GOLGA8N: variants seen among roughly 807,000 people sequenced by gnomAD.
The protein encoded by GOLGA8N is golgin A8 family member N, also known as golgin subfamily A member 8N.
GOLGA8N carries 2 observed loss-of-function variants against 22.0 expected under a neutral mutation model. That is an observed-to-expected ratio of 0.09 (90% CI 0.04 to 0.29). The LOEUF (loss-of-function observed/expected upper bound fraction) is 0.29, where lower values mean the gene tolerates loss of function less well. Ranked by LOEUF, GOLGA8N falls within the 10% of genes least tolerant of loss-of-function variation. The pLI, the probability that GOLGA8N is intolerant of heterozygous loss-of-function variation, is 1.00. For missense variants in GOLGA8N, 10 were observed against 164.7 expected (o/e 0.06, Z 5.14); for synonymous variants, 2 against 58.7 (o/e 0.03, Z 4.41).
At chr15:32,605,315 T>G (rs2052920153) in exon 19 of GOLGA8N, 2 of 147,848 alleles carry the variant, frequency 1.4e-5, no homozygotes, top group African/African-American at 2.5e-5. Context: ...TATACTATCT[T>G]TGAAAATCAA....
chr15:32,607,154 T>C (rs867333337), exon 19 of GOLGA8N: 2 of 152,516 alleles, frequency 1.3e-5, no homozygotes, highest in African/African-American at 4.8e-5. Context: ...ATTATTAAAT[T>C]GTTTCAATGT....
At chr15:32,605,459 G>A (rs1442877791) in exon 19 of GOLGA8N, 1 of 150,722 alleles carries the variant, frequency 6.6e-6, no homozygotes, top group Non-Finnish European at 1.5e-5. Flanking sequence ...TCTTTACAAA[G>A]TGAAATATGT....
At chr15:32,597,635 T>G (rs570997531) in intron 5 of GOLGA8N, 117 bp from the exon 6 acceptor site, 1 of 1,464,138 alleles carries the variant, frequency 6.8e-7, no homozygotes, top group Admixed American at 1.9e-5. Context: ...GGGCCCCTGA[T>G]AACCTGGTCC....
rs1595744807 is a variant in GOLGA8N, at chr15:32,598,175, C to T, written c.589C>T (p.Gln197Ter). ...CGCCACAGAGAAGAAGAAGGCAAAC[C>T]AGGTGAGTCCAGCCACCTGCCCCAT... Residue 197 changes from glutamine (Q) to a stop codon, truncating the protein, a stop_gained and splice_region_variant, in exon 8 of 19, where the codon CAG becomes TAG. Coordinates refer to ENST00000448387, the Ensembl canonical transcript of GOLGA8N. LOFTEE classifies it high-confidence loss of function. The T allele has an allele frequency of 5.5e-6, 6 of 1,096,968 alleles. 2 individuals are homozygous for T. In the East Asian group the frequency reaches 1.9e-4, roughly 34 times the overall value. 68.0% of individuals were successfully genotyped at this position (1,096,968 alleles called of 1,614,324 possible).
Position 32,598,549 on chromosome 15 carries a change from G to C in GOLGA8N, c.591+372G>C, listed in dbSNP as rs1420549158. Among the ~76,000 whole-genome samples, 3 of 3,524 alleles carry C rather than the reference G, an allele frequency of 8.5e-4. 1 individual carries two copies. Among genetic ancestry groups the C allele is most frequent in the South Asian group, 0.015 (1 of 68 alleles). 2.3% of individuals were successfully genotyped at this position (3,524 alleles called of 152,430 possible). ...TAGAAAGAGGAAACGTGTGTGCGTTGTGTGTGTGTGTGTGTGCATACTGTG... is the reference window on the plus strand; with the variant it reads ...TAGAAAGAGGAAACGTGTGTGCGTTCTGTGTGTGTGTGTGTGCATACTGTG... On this transcript the variant is annotated intron_variant, in intron 8 of 18. Transcript: ENST00000448387.
chr15:32,598,000 T>C (rs1445809961), intron 7 of GOLGA8N, 28 bp downstream of exon 7: 1 of 913,794 alleles, frequency 1.1e-6, no homozygotes, highest in African/African-American at 2.3e-5. Context: ...CTGTCATCCT[T>C]CAACCTGGCA....
chr15:32,605,207 T>A, exon 19 of GOLGA8N: 1 of 137,374 alleles, frequency 7.3e-6, no homozygotes, highest in Admixed American at 7.7e-5. Flanking sequence ...TTACTTCTTT[T>A]TCTTTGAATG....
intron 1 of GOLGA8N, among the ~76,000 whole-genome samples, chr15:32,595,028 AC>A (rs1323183901): frequency 2.1e-5 from 1 of 48,390 alleles, no homozygotes; most frequent in Non-Finnish European, 4.1e-5. Context: ...TCTTGGCAAA[AC>A]CTCAGAGCTT....
Position 32,599,424 on chromosome 15 carries a change from A to AGG in GOLGA8N, c.684_685dup (p.Glu229GlyfsTer9). 1 of 174,180 alleles carries AGG rather than the reference A, an allele frequency of 5.7e-6. No individual in the cohort carries two copies. The highest frequency in any genetic ancestry group is 1.5e-3 in the Middle Eastern group (1 of 678). 10.8% of individuals were successfully genotyped at this position (174,180 alleles called of 1,614,324 possible). A position where few individuals can be genotyped will look rare whatever the true frequency, so the allele number is the denominator to read the frequency against. On this transcript the variant is annotated frameshift_variant, in exon 10 of 19. Coordinates refer to ENST00000448387, the Ensembl canonical transcript of GOLGA8N. LOFTEE classifies it high-confidence loss of function. The stretch of plus-strand genomic sequence containing the variant: ...CTTCTGTGCCCATTCTTGCAGTTGA[A>AGG]GGAGTCATTTCAACAACTCCAATTA...
exon 19 of GOLGA8N, chr15:32,606,464 T>C (rs1361377543): frequency 6.6e-6 from 1 of 150,688 alleles, no homozygotes; most frequent in African/African-American, 2.5e-5. Context: ...AGAATGGAAA[T>C]TGTATGACAA....
chr15:32,595,819 T>G (rs1222100842), intron 2 of GOLGA8N, among the ~76,000 whole-genome samples: 1 of 149,296 alleles, frequency 6.7e-6, no homozygotes, highest in Non-Finnish European at 1.5e-5. Context: ...ATCCTGCCTC[T>G]CCATCTGCTC....
chr15:32,607,105 C>T (rs2052944256), exon 19 of GOLGA8N: 2 of 151,730 alleles, frequency 1.3e-5, no homozygotes, highest in South Asian at 4.2e-4. Flanking sequence ...CTAGAGTGGC[C>T]TTATTGACTG....
chr15:32,606,806 A>G (rs1170729429), exon 19 of GOLGA8N: 1 of 151,842 alleles, frequency 6.6e-6, no homozygotes, highest in East Asian at 1.9e-4. Context: ...TGAAAATGTA[A>G]ATCAGCCCTA....
rs1443977412 is a variant in GOLGA8N, at chr15:32,606,662, G to A, written c.*2684G>A. 7.4e-5 allele frequency: 11 copies of A among 149,054 alleles called. No homozygotes were observed. In the East Asian group the frequency reaches 1.6e-3, roughly 22 times the overall value. 9.2% of individuals were successfully genotyped at this position (149,054 alleles called of 1,614,324 possible). A position where few individuals can be genotyped will look rare whatever the true frequency, so the allele number is the denominator to read the frequency against. On this transcript the variant is annotated 3_prime_UTR_variant, in exon 19 of 19. Coordinates refer to ENST00000448387, the Ensembl canonical transcript of GOLGA8N. Reference sequence around the variant, plus strand: ...TTCCACTGAATACATTTTAATGTCTGTAGGAAGAATCAAAACACCTATTTA... The same window carrying A: ...TTCCACTGAATACATTTTAATGTCTATAGGAAGAATCAAAACACCTATTTA...
chr15:32,597,337 T>C (rs376500892), intron 4 of GOLGA8N, 114 bp from the exon 5 acceptor site: 1 of 778,894 alleles, frequency 1.3e-6, no homozygotes, highest in South Asian at 1.5e-5. Context: ...GTTCCCATTA[T>C]GTCTGAGAAC....
At chr15:32,598,637 G>C (rs562110812) in intron 8 of GOLGA8N, among the ~76,000 whole-genome samples, 1 of 56,104 alleles carries the variant, frequency 1.8e-5, no homozygotes, top group African/African-American at 6.4e-5. Context: ...CAACAAGATG[G>C]CCGGGAGATA....
exon 19 of GOLGA8N, chr15:32,605,014 T>C (rs1212852150): frequency 3.4e-5 from 2 of 59,184 alleles, no homozygotes; most frequent in African/African-American, 7.4e-5. Context: ...CGAGTTCAAA[T>C]GTCCCTGGAA....
intron 8 of GOLGA8N, 103 bp from the exon 9 acceptor site, chr15:32,599,124 C>T (rs2052861293): frequency 3.4e-5 from 1 of 29,512 alleles, no homozygotes; most frequent in East Asian, 2.0e-3. Flanking sequence ...TTGATCTTTA[C>T]TGACCGAGTT....
chr15:32,605,826 CACTGA>C (rs2052925711), exon 19 of GOLGA8N: 3 of 107,206 alleles, frequency 2.8e-5, no homozygotes, highest in Non-Finnish European at 6.0e-5. Flanking sequence ...TGCTGGCATT[CACTGA>C]AAGAGTGCAA....
Sources: gnomAD v4.1 joint callset for allele counts (sites outside exome capture counted in the v4.1 genomes callset) on GRCh38, gnomAD v4.1.1 for gene constraint, MANE v1.5 for transcripts, NCBI Gene and HGNC (gene_info 2026-07-23, HGNC 2026-07-21) for gene names.